RBFOX1: variants seen among roughly 807,000 people sequenced by gnomAD.
RBFOX1 encodes RNA binding protein fox-1 homolog 1.
Under a neutral mutation model 57.7 loss-of-function variants are expected in RBFOX1, and 8 were observed. The observed-to-expected ratio is 0.14, with a 90% CI of 0.08 to 0.25. The LOEUF (loss-of-function observed/expected upper bound fraction) is 0.25. Among genes scored for constraint, RBFOX1 ranks in the 10% least tolerant of loss-of-function variants. RBFOX1 has a pLI of 1.00. For synonymous variants in RBFOX1, 326 were observed against 222.4 expected, an observed-to-expected ratio of 1.47 and a Z score of -4.15; for missense variants, 611 against 548.5, an observed-to-expected ratio of 1.11 and a Z score of -1.14.
intron 3 of RBFOX1, among the ~76,000 whole-genome samples, chr16:6,796,944 G>A (rs369392174): frequency 6.6e-6 from 1 of 152,110 alleles, no homozygotes; most frequent in Non-Finnish European, 1.5e-5. Flanking sequence ...AAATCATTGA[G>A]TACTAGGAGA....
At chr16:7,091,090 A>G (rs1403491257) in intron 4 of RBFOX1, among the ~76,000 whole-genome samples, 4 of 152,188 alleles carry the variant, frequency 2.6e-5, no homozygotes, top group African/African-American at 7.2e-5. Context: ...AAACTCTACT[A>G]CAATAGGTAT....
intron 4 of RBFOX1, among the ~76,000 whole-genome samples, chr16:7,225,905 A>AATAAATATATAT (rs66510060): frequency 1.7e-4 from 16 of 93,686 alleles, no homozygotes; most frequent in East Asian, 4.5e-4. Flanking sequence ...AAGTATAATA[A>AATAAATATATAT]ATATATATAT....
At chr16:6,933,040 A>G (rs533432300) in intron 3 of RBFOX1, among the ~76,000 whole-genome samples, 7 of 152,296 alleles carry the variant, frequency 4.6e-5, no homozygotes, top group African/African-American at 1.7e-4. Context: ...TAATATCCTT[A>G]AGGTTCATCT....
At chr16:5,469,039 C>A (rs1355551186) in intron 2 of RBFOX1, among the ~76,000 whole-genome samples, 3 of 152,214 alleles carry the variant, frequency 2.0e-5, no homozygotes, top group Non-Finnish European at 4.4e-5. Context: ...TTCTGCAGGA[C>A]CTGGTGGGGA....
intron 3 of RBFOX1, among the ~76,000 whole-genome samples, chr16:5,618,369 G>A (rs944559533): frequency 4.6e-5 from 7 of 151,338 alleles, no homozygotes; most frequent in Middle Eastern, 3.4e-3. Flanking sequence ...ACAGAGTCTC[G>A]CTCTGTCACC....
intron 1 of RBFOX1, among the ~76,000 whole-genome samples, chr16:6,186,292 C>T (rs1054169256): frequency 1.8e-4 from 28 of 152,056 alleles, no homozygotes; most frequent in African/African-American, 6.8e-4. Flanking sequence ...AGTGTTGTTC[C>T]AGGGGATGAT....
chr16:6,366,942 G>A (rs576276819), intron 2 of RBFOX1, among the ~76,000 whole-genome samples: 2 of 152,276 alleles, frequency 1.3e-5, no homozygotes, highest in East Asian at 3.9e-4. Flanking sequence ...TTCACAAGGA[G>A]CATTTCCTAC....
intron 2 of RBFOX1, among the ~76,000 whole-genome samples, chr16:6,615,397 C>T (rs1009366728): frequency 2.0e-5 from 3 of 152,120 alleles, no homozygotes; most frequent in African/African-American, 7.2e-5. Flanking sequence ...TGCCAAAACC[C>T]CGTCTCTACT....
intron 5 of RBFOX1, among the ~76,000 whole-genome samples, chr16:7,573,196 G>A (rs1337153469): frequency 6.6e-6 from 1 of 152,106 alleles, no homozygotes; most frequent in Non-Finnish European, 1.5e-5. Context: ...CAGGGAAAGA[G>A]TCTTCCAGGC....
chr16:6,568,596 G>T (rs1463838163), intron 2 of RBFOX1, among the ~76,000 whole-genome samples: 4 of 152,100 alleles, frequency 2.6e-5, no homozygotes, highest in African/African-American at 9.7e-5. Context: ...AGAAGATGGG[G>T]ATTATCTCAG....
At chr16:5,793,751 G>C (rs898998230) in intron 3 of RBFOX1, among the ~76,000 whole-genome samples, 2 of 152,124 alleles carry the variant, frequency 1.3e-5, no homozygotes, top group Non-Finnish European at 2.9e-5. Flanking sequence ...CTTCGTGTGT[G>C]TGTGTGCATG....
intron 3 of RBFOX1, among the ~76,000 whole-genome samples, chr16:6,692,299 T>C (rs1413769095): frequency 2.7e-5 from 4 of 149,406 alleles, no homozygotes; most frequent in African/African-American, 9.8e-5. Flanking sequence ...CATACCTCTC[T>C]AACATTAAAG....
intron 12 of RBFOX1, among the ~76,000 whole-genome samples, chr16:7,661,032 T>TA (rs2067591722): frequency 6.6e-6 from 1 of 152,186 alleles, no homozygotes; most frequent in Non-Finnish European, 1.5e-5. Flanking sequence ...AAGGCTAGAC[T>TA]AGGGACTGAT....
chr16:7,100,833 T>A (rs1436975363), intron 4 of RBFOX1, among the ~76,000 whole-genome samples: 4 of 152,172 alleles, frequency 2.6e-5, no homozygotes, highest in Non-Finnish European at 5.9e-5. Flanking sequence ...GTTGTCAAAT[T>A]GAGAAATGTT....
At chr16:7,601,281 A>G (rs1488166263) in intron 9 of RBFOX1, among the ~76,000 whole-genome samples, 1 of 152,204 alleles carries the variant, frequency 6.6e-6, no homozygotes, top group African/African-American at 2.4e-5. Context: ...TGTACAAATG[A>G]TGGGAACTAC....
chr16:6,278,235 TGCAG>T (rs2076027581), intron 1 of RBFOX1, among the ~76,000 whole-genome samples: 1 of 152,024 alleles, frequency 6.6e-6, no homozygotes, highest in Non-Finnish European at 1.5e-5. Context: ...GATGATTCGT[TGCAG>T]GCAATTTCCT....
chr16:6,974,553 C>T (rs568034356), intron 3 of RBFOX1, among the ~76,000 whole-genome samples: 3 of 151,988 alleles, frequency 2.0e-5, no homozygotes, highest in Admixed American at 2.0e-4. Context: ...TCATATTGGC[C>T]AGGCTGGTCT....
chr16:7,682,822 A>G lies in RBFOX1; in HGVS notation c.995+5984A>G, dbSNP rs532262128. 8.7e-5 allele frequency among the ~76,000 whole-genome samples: 13 copies of G among 149,914 alleles called. No homozygotes were observed. In the South Asian group the frequency reaches 2.8e-3, roughly 32 times the overall value. On this transcript the variant is annotated intron_variant, in intron 14 of 15. Transcript: ENST00000550418. ...TTCATTTAAAGTTTACTTTCCTAAC[A>G]GATCCATTTTGTTGTTGTTGTTTTT... is the stretch of plus-strand genomic sequence containing the variant.
chr16:5,593,137 T>C (rs1480976177), intron 2 of RBFOX1, among the ~76,000 whole-genome samples: 1 of 151,404 alleles, frequency 6.6e-6, no homozygotes, highest in Non-Finnish European at 1.5e-5. Context: ...GTGGCACATA[T>C]ACACCATGGG....
Sources: allele counts gnomAD v4.1 joint callset (sites outside exome capture counted in the v4.1 genomes callset), GRCh38; gene constraint gnomAD v4.1.1; transcripts MANE v1.5; gene names NCBI Gene and HGNC (gene_info 2026-07-23, HGNC 2026-07-21).